The following NPAS3 variants were observed in gnomAD, a reference collection of about 807,000 sequenced individuals.
The protein encoded by NPAS3 is neuronal PAS domain-containing protein 3.
Under a neutral mutation model 73.1 loss-of-function variants are expected in NPAS3, and 14 were observed. The ratio of observed to expected loss-of-function variants is 0.19; its 90% CI spans 0.13 to 0.30. The LOEUF (loss-of-function observed/expected upper bound fraction) is 0.30. NPAS3 is among the 10% of genes least tolerant of loss of function. The probability of loss-of-function intolerance (pLI) is 1.00; values close to 1 mark genes in which losing one functional copy is unlikely to be tolerated. For synonymous variants in NPAS3, 620 were observed against 541.5 expected, an observed-to-expected ratio of 1.14 and a Z score of -2.01; for missense variants, 1,096 against 1,250.0, an observed-to-expected ratio of 0.88 and a Z score of 1.86.
At chr14:33,713,708 C>G (rs2060883646) in intron 6 of NPAS3, among the ~76,000 whole-genome samples, 1 of 152,222 alleles carries the variant, frequency 6.6e-6, no homozygotes, top group Admixed American at 6.5e-5. Flanking sequence ...CACCCTCTGT[C>G]CTTTAGTCTC....
intron 1 of NPAS3, among the ~76,000 whole-genome samples, chr14:33,017,725 C>T (rs1256398268): frequency 3.9e-5 from 6 of 152,240 alleles, no homozygotes; most frequent in Middle Eastern, 3.4e-3. Flanking sequence ...TTAGTTTTCT[C>T]ATTTATGAAA....
intron 3 of NPAS3, among the ~76,000 whole-genome samples, chr14:33,349,079 G>A (rs2140339023): frequency 6.6e-6 from 1 of 152,262 alleles, no homozygotes; most frequent in East Asian, 1.9e-4. Context: ...TGTTGAGGAC[G>A]GAGGTCAGAA....
intron 1 of NPAS3, among the ~76,000 whole-genome samples, chr14:33,051,244 G>T (rs574212615): frequency 4.2e-5 from 6 of 142,944 alleles, no homozygotes; most frequent in African/African-American, 1.6e-4. Flanking sequence ...ATTGCAGTCC[G>T]CAGTCCGGCC....
At chr14:33,199,728 C>G (rs971397341) in intron 2 of NPAS3, among the ~76,000 whole-genome samples, 1 of 145,790 alleles carries the variant, frequency 6.9e-6, no homozygotes, top group Non-Finnish European at 1.5e-5. Flanking sequence ...TTCTTCCCCT[C>G]CCTCTTTCCC....
intron 5 of NPAS3, among the ~76,000 whole-genome samples, chr14:33,634,954 C>T (rs1489445800): frequency 2.6e-5 from 4 of 152,132 alleles, no homozygotes; most frequent in African/African-American, 4.8e-5. Context: ...TCATAATTTC[C>T]GAAGGAGGGA....
At chr14:33,602,911 A>G (rs1013580380) in intron 5 of NPAS3, among the ~76,000 whole-genome samples, 1 of 152,158 alleles carries the variant, frequency 6.6e-6, no homozygotes, top group Non-Finnish European at 1.5e-5. Context: ...ACTTGACTGC[A>G]TCCCACAACA....
At chr14:33,598,193 C>T (rs1401739015) in intron 5 of NPAS3, among the ~76,000 whole-genome samples, 1 of 152,206 alleles carries the variant, frequency 6.6e-6, no homozygotes, top group Non-Finnish European at 1.5e-5. Flanking sequence ...ATTGGAATCT[C>T]CTTTACCCAG....
chr14:33,310,061 G>A (rs1250776365), intron 3 of NPAS3, among the ~76,000 whole-genome samples: 2 of 152,150 alleles, frequency 1.3e-5, no homozygotes, highest in Admixed American at 6.5e-5. Context: ...GCCATAAAAT[G>A]TATAGAAACA....
At chr14:33,771,857 C>G (rs1029869305) in intron 7 of NPAS3, among the ~76,000 whole-genome samples, 2 of 152,022 alleles carry the variant, frequency 1.3e-5, no homozygotes, top group Non-Finnish European at 2.9e-5. Context: ...ATGTTTCATT[C>G]AATGTGAATA....
At chr14:33,135,718 GAAGA>G in intron 2 of NPAS3, among the ~76,000 whole-genome samples, 2 of 152,118 alleles carry the variant, frequency 1.3e-5, no homozygotes, top group Admixed American at 1.3e-4. Context: ...GATTTCTGAA[GAAGA>G]AAAAAGGGAA....
At chr14:33,781,221 C>G (rs549596370) in intron 9 of NPAS3, among the ~76,000 whole-genome samples, 113 of 152,284 alleles carry the variant, frequency 7.4e-4, no homozygotes, top group Non-Finnish European at 1.4e-3. Flanking sequence ...TCTTCAATCA[C>G]ACACACAAAA....
At chr14:33,562,071 G>A (rs1326917096) in intron 5 of NPAS3, among the ~76,000 whole-genome samples, 1 of 152,198 alleles carries the variant, frequency 6.6e-6, no homozygotes, top group Non-Finnish European at 1.5e-5. Flanking sequence ...CACAGCATAT[G>A]CACATATATG....
intron 7 of NPAS3, among the ~76,000 whole-genome samples, chr14:33,753,038 C>T (rs1451846011): frequency 2.0e-5 from 3 of 152,158 alleles, no homozygotes; most frequent in Admixed American, 1.3e-4. Flanking sequence ...CTGCCTGCCT[C>T]TCAAAGCCAA....
At chr14:33,254,980 A>G (rs2048723953) in intron 3 of NPAS3, among the ~76,000 whole-genome samples, 1 of 152,092 alleles carries the variant, frequency 6.6e-6, no homozygotes, top group Admixed American at 6.6e-5. Flanking sequence ...AACTAGTTGC[A>G]GACTGACCCA....
intron 2 of NPAS3, among the ~76,000 whole-genome samples, chr14:33,122,412 G>A (rs540695262): frequency 1.8e-4 from 28 of 152,154 alleles, no homozygotes; most frequent in African/African-American, 6.7e-4. Flanking sequence ...AAATAAGGCT[G>A]GCAATGTCAG....
At chr14:33,623,852 G>A (rs4982102) in intron 5 of NPAS3, among the ~76,000 whole-genome samples, 2,061 of 152,174 alleles carry the variant, frequency 0.014, 74 homozygotes, top group Admixed American at 0.074. Flanking sequence ...TTGACTATCT[G>A]TCAATTGAAT....
At chr14:33,307,592 A>AGTGTGTGTGTGTGTGTGTGTGTGT (rs1207155386) in intron 3 of NPAS3, among the ~76,000 whole-genome samples, 1 of 23,246 alleles carries the variant, frequency 4.3e-5, no homozygotes, top group Non-Finnish European at 8.7e-5. Flanking sequence ...GTTTTTTTTC[A>AGTGTGTGTGTGTGTGTGTGTGTGT]ATGTGTGTGT....
intron 1 of NPAS3, among the ~76,000 whole-genome samples, chr14:32,958,395 C>T (rs1242127624): frequency 6.6e-6 from 1 of 152,158 alleles, no homozygotes; most frequent in Non-Finnish European, 1.5e-5. Flanking sequence ...TCCATAATCT[C>T]TTGGCAGCAT....
chr14:32,980,272 A>G (rs2037843792), intron 1 of NPAS3, among the ~76,000 whole-genome samples: 2 of 152,196 alleles, frequency 1.3e-5, no homozygotes, highest in African/African-American at 4.8e-5. Context: ...GTCTAGTGAA[A>G]AGAGGTGGCT....
Sources: allele counts gnomAD v4.1 joint callset (sites outside exome capture counted in the v4.1 genomes callset), GRCh38; gene constraint gnomAD v4.1.1; transcripts MANE v1.5; gene names NCBI Gene and HGNC (gene_info 2026-07-23, HGNC 2026-07-21).